Variants in MAGI3 observed in about 807,000 individuals in gnomAD.
The protein encoded by MAGI3 is membrane associated guanylate kinase, WW and PDZ domain containing 3.
A neutral mutation model predicts 121.8 loss-of-function variants in MAGI3; 43 were observed. The ratio of observed to expected loss-of-function variants is 0.35; its 90% CI spans 0.28 to 0.46. The LOEUF (loss-of-function observed/expected upper bound fraction) is 0.46. Among genes scored for constraint, MAGI3 ranks in the 20% least tolerant of loss-of-function variants. The pLI, the probability that MAGI3 is intolerant of heterozygous loss-of-function variation, is 1.00. For synonymous variants in MAGI3, 553 were observed against 639.3 expected (o/e 0.86, Z 2.04); for missense variants, 1,547 against 1,797.3 (o/e 0.86, Z 2.52).
intron 1 of MAGI3, among the ~76,000 whole-genome samples, chr1:113,532,194 T>A (rs1233648369): frequency 6.6e-6 from 1 of 152,142 alleles, no homozygotes; most frequent in Non-Finnish European, 1.5e-5. Flanking sequence ...AGACTATTTA[T>A]ACTTTGCTAA....
chr1:113,641,040 A>ATATG (rs1557868915), intron 9 of MAGI3, among the ~76,000 whole-genome samples: 1 of 76,496 alleles, frequency 1.3e-5, no homozygotes, highest in African/African-American at 5.9e-5. Context: ...TGATATATAT[A>ATATG]ATATATATGA....
At chr1:113,452,775 A>G (rs2101492037) in intron 1 of MAGI3, among the ~76,000 whole-genome samples, 1 of 152,290 alleles carries the variant, frequency 6.6e-6, no homozygotes, top group East Asian at 1.9e-4. Flanking sequence ...CAAAAAGGAG[A>G]TTAAAGTAGG....
chr1:113,585,922 A>T (rs1648338876), intron 4 of MAGI3, among the ~76,000 whole-genome samples: 1 of 152,202 alleles, frequency 6.6e-6, no homozygotes, highest in African/African-American at 2.4e-5. Context: ...ACTTTACAGG[A>T]TGTAAACAAT....
At chr1:113,417,845 T>C (rs921299230) in intron 1 of MAGI3, among the ~76,000 whole-genome samples, 1 of 152,176 alleles carries the variant, frequency 6.6e-6, no homozygotes, top group Non-Finnish European at 1.5e-5. Context: ...TAGTAGGTAA[T>C]AGATATTTTC....
intron 5 of MAGI3, among the ~76,000 whole-genome samples, chr1:113,593,224 T>C (rs1648799824): frequency 6.6e-6 from 1 of 152,206 alleles, no homozygotes; most frequent in East Asian, 1.9e-4. Context: ...ACTCAGGAAA[T>C]ATAACTTGTT....
At chr1:113,536,729 C>A (rs917090343) in intron 1 of MAGI3, among the ~76,000 whole-genome samples, 1 of 151,762 alleles carries the variant, frequency 6.6e-6, no homozygotes, top group African/African-American at 2.4e-5. Context: ...TTTTTCAGAA[C>A]AAAATAATTT....
chr1:113,585,267 C>A (rs536278414), intron 3 of MAGI3, 120 bp from the exon 4 acceptor site: 2 of 867,592 alleles, frequency 2.3e-6, no homozygotes, highest in Admixed American at 2.4e-5. Context: ...CATGCCCACC[C>A]CTATGGTAGA....
chr1:113,607,566 C>CAT (rs1329669813), intron 6 of MAGI3, among the ~76,000 whole-genome samples: 3 of 151,988 alleles, frequency 2.0e-5, no homozygotes. Flanking sequence ...CATATATGAC[C>CAT]ATATATAAGC....
intron 4 of MAGI3, among the ~76,000 whole-genome samples, chr1:113,586,284 A>T (rs1648360967): frequency 6.6e-6 from 1 of 152,218 alleles, no homozygotes; most frequent in African/African-American, 2.4e-5. Flanking sequence ...TAAACTTCAT[A>T]GGGCTGAAGT....
At chr1:113,631,727 G>A (rs1397445210) in intron 9 of MAGI3, among the ~76,000 whole-genome samples, 1 of 152,044 alleles carries the variant, frequency 6.6e-6, no homozygotes, top group Non-Finnish European at 1.5e-5. Context: ...TCCCAAGTTT[G>A]TTTGCTTCCT....
At position 113,642,523 on chromosome 1, in the gene MAGI3, A is replaced by T; in HGVS notation, c.1966+7A>T. 3 of 1,602,146 alleles carry T rather than the reference A, an allele frequency of 1.9e-6. No individual in the cohort carries two copies. The highest frequency in any genetic ancestry group is 2.6e-6 in the Non-Finnish European group (3 of 1,172,996). On this transcript the variant is annotated splice_region_variant and intron_variant, in intron 10 of 20. Coordinates refer to ENST00000307546, the MANE Select transcript of MAGI3 (RefSeq NM_001142782.2). ...TTGCTTATCTTAAGAGGAGGTAAGTAAAAGCACAACATAGAAAAAGTTTCA... is the reference window on the plus strand; with the variant it reads ...TTGCTTATCTTAAGAGGAGGTAAGTTAAAGCACAACATAGAAAAAGTTTCA...
At chr1:113,405,479 A>AGG (rs1260098794) in intron 1 of MAGI3, among the ~76,000 whole-genome samples, 20 of 133,944 alleles carry the variant, frequency 1.5e-4, no homozygotes, top group African/African-American at 5.2e-4. Flanking sequence ...TGTCTCAAAA[A>AGG]AAAAAAAAAA....
chr1:113,658,723 C>T lies in MAGI3; in HGVS notation c.2630-357C>T, dbSNP rs929727055. On this transcript the variant is annotated intron_variant, in intron 15 of 20. Coordinates refer to ENST00000307546, the MANE Select transcript of MAGI3 (RefSeq NM_001142782.2). The surrounding 1 kb of genome is among the most constrained non-coding windows in gnomAD (Gnocchi z 4.0). ...AACTTGTTGCAGCTTAAATGGCCAA[C>T]AATAAACAATGAGACATCTGATCAG... Among the ~76,000 whole-genome samples the T allele has an allele frequency of 6.6e-6, 1 of 152,036 alleles. No individual in the cohort carries two copies. The highest frequency in any genetic ancestry group is 1.5e-5 in the Non-Finnish European group (1 of 67,998).
intron 1 of MAGI3, among the ~76,000 whole-genome samples, chr1:113,484,238 G>C (rs1049066244): frequency 6.6e-6 from 1 of 152,062 alleles, no homozygotes; most frequent in Non-Finnish European, 1.5e-5. Flanking sequence ...GTGAATTTTT[G>C]TTTTATTTTC....
intron 19 of MAGI3, among the ~76,000 whole-genome samples, chr1:113,679,121 AGT>A (rs1194077955): frequency 6.6e-6 from 1 of 152,112 alleles, no homozygotes; most frequent in East Asian, 1.9e-4. Context: ...TAATAAGTTC[AGT>A]GCGGCACATG....
At chr1:113,649,389 G>T in intron 13 of MAGI3, 61 bp downstream of exon 13, 1 of 1,136,458 alleles carries the variant, frequency 8.8e-7, no homozygotes, top group Non-Finnish European at 1.3e-6. Flanking sequence ...GTGGTGATTT[G>T]GTGGATTATG....
chr1:113,679,304 C>T (rs951232073), intron 19 of MAGI3, among the ~76,000 whole-genome samples: 1 of 152,018 alleles, frequency 6.6e-6, no homozygotes, highest in African/African-American at 2.4e-5. Context: ...ATCTTTGTGT[C>T]CATGTGTACT....
intron 1 of MAGI3, among the ~76,000 whole-genome samples, chr1:113,494,967 A>G (rs575190812): frequency 1.3e-5 from 2 of 152,340 alleles, no homozygotes; most frequent in Admixed American, 1.3e-4. Context: ...AAGGGGGCAC[A>G]TATTTAAAAA....
At chr1:113,467,392 T>A (rs1224806392) in intron 1 of MAGI3, among the ~76,000 whole-genome samples, 1 of 152,186 alleles carries the variant, frequency 6.6e-6, no homozygotes, top group Non-Finnish European at 1.5e-5. Flanking sequence ...ATGTTCCATG[T>A]GCTGATGAGA....
Sources: allele counts gnomAD v4.1 joint callset (sites outside exome capture counted in the v4.1 genomes callset), GRCh38; gene constraint gnomAD v4.1.1; non-coding constraint Gnocchi (gnomAD v3.1); transcripts MANE v1.5; gene names NCBI Gene and HGNC (gene_info 2026-07-23, HGNC 2026-07-21).